The following CSAD variants were observed in gnomAD, a reference collection of about 807,000 sequenced individuals.
CSAD encodes P-selectin cytoplasmic tail-associated protein.
CSAD carries 47 observed loss-of-function variants against 61.5 expected under a neutral mutation model. The observed-to-expected ratio is 0.76, with a 90% CI of 0.60 to 0.97. The LOEUF (loss-of-function observed/expected upper bound fraction) is 0.97. Ranked by LOEUF, CSAD falls within the 50% of genes least tolerant of loss-of-function variation. CSAD has a pLI of 0.00. For missense variants in CSAD, 611 were observed against 643.6 expected (o/e 0.95, Z 0.55); for synonymous variants, 245 against 252.7 (o/e 0.97, Z 0.29).
intron 1 of CSAD, 124 bp downstream of exon 1, chr12:53,180,608 G>T (rs1433811112): frequency 1.6e-6 from 2 of 1,284,244 alleles, no homozygotes; most frequent in Admixed American, 4.6e-5. Flanking sequence ...CACCCGCTCT[G>T]AGGCTGCCCC....
intron 1 of CSAD, chr12:53,180,475 G>T (rs1246995036): frequency 5.8e-6 from 7 of 1,213,276 alleles, no homozygotes; most frequent in Non-Finnish European, 6.2e-6. Context: ...CCTCAGTCTC[G>T]ATGGCGGCCG....
intron 14 of CSAD, 49 bp from the exon 15 acceptor site, chr12:53,159,987 C>T: frequency 6.2e-7 from 1 of 1,601,914 alleles, no homozygotes. Context: ...AAGCAGAGAT[C>T]CAGACAGAAG....
chr12:53,180,842 G>A lies in CSAD; in HGVS notation c.-201C>T. The A allele has an allele frequency of 1.6e-6, 2 of 1,270,340 alleles. No homozygotes were observed. The highest frequency in any genetic ancestry group is 2.0e-6 in the Non-Finnish European group (2 of 981,414). 78.7% of individuals were successfully genotyped at this position (1,270,340 alleles called of 1,614,324 possible). A position where few individuals can be genotyped will look rare whatever the true frequency, so the allele number is the denominator to read the frequency against. On this transcript the variant is annotated 5_prime_UTR_variant, in exon 1 of 17. Transcript: ENST00000444623. ...GCGGGAGGCCGCGCCTGGCAGGTAG[G>A]AGCAAGCCCCAAAGACCGCAGCGTC...
chr12:53,170,839 G>A, intron 8 of CSAD: 1 of 382,524 alleles, frequency 2.6e-6, no homozygotes. Flanking sequence ...TCGTGCCTCA[G>A]CCTCCTAAGC....
In CSAD at chr12:53,158,678, G is replaced by C; in HGVS notation, c.1315C>G (p.Pro439Ala). ...TTCACCATGCGCTCCTTGAGCACGG[G>C]GGCCACCTGTGGAAGGGTGGAGAGA... ...DYHERLSKVA[P>A]VLKERMVKEG... is the part of the protein sequence containing the mutation. Residue 439 changes from proline (P) to alanine (A), a missense_variant, in exon 17 of 17, where the codon CCC (proline) becomes GCC (alanine). Pro to Ala is a conservative substitution (Grantham distance 27). Transcript: ENST00000444623. The C allele has an allele frequency of 6.2e-7, 1 of 1,613,950 alleles. No individual in the cohort carries two copies. The highest frequency in any genetic ancestry group is 8.5e-7 in the Non-Finnish European group (1 of 1,179,956).
chr12:53,178,204 G>A (rs1350685185), intron 2 of CSAD: 1 of 317,684 alleles, frequency 3.1e-6, no homozygotes, highest in Non-Finnish European at 6.3e-6. Context: ...CAGGCATGGT[G>A]GCTCAATCCT....
chr12:53,169,155 G>A (rs1179703731), intron 10 of CSAD, among the ~76,000 whole-genome samples: 2 of 151,802 alleles, frequency 1.3e-5, no homozygotes, highest in Admixed American at 1.3e-4. Context: ...ACTCCGGCCT[G>A]GGTGACACAA....
intron 1 of CSAD, chr12:53,180,477 T>A: frequency 8.4e-7 from 1 of 1,184,392 alleles, no homozygotes; most frequent in Non-Finnish European, 1.1e-6. Flanking sequence ...TCAGTCTCGA[T>A]GGCGGCCGGG....
At chr12:53,177,099 A>G (rs1314245144) in intron 2 of CSAD, among the ~76,000 whole-genome samples, 3 of 152,100 alleles carry the variant, frequency 2.0e-5, no homozygotes, top group South Asian at 4.1e-4. Context: ...TTATATTCTT[A>G]TATTTTATTT....
chr12:53,163,562 T>A (rs1453588280), intron 10 of CSAD, among the ~76,000 whole-genome samples: 1 of 152,026 alleles, frequency 6.6e-6, no homozygotes, highest in Non-Finnish European at 1.5e-5. Flanking sequence ...AGAAAACAAT[T>A]TCATTTACAA....
At chr12:53,170,722 G>GTTTT in intron 8 of CSAD, 6 of 448,154 alleles carry the variant, frequency 1.3e-5, no homozygotes, top group Admixed American at 3.7e-5. Context: ...GCATTTGTTT[G>GTTTT]TTTTTTTTTT....
At chr12:53,170,578 T>A in intron 8 of CSAD, 76 bp from the exon 9 acceptor site, 1 of 1,107,156 alleles carries the variant, frequency 9.0e-7, no homozygotes, top group Non-Finnish European at 1.4e-6. Context: ...AAGTGTGAGC[T>A]CCAACAAATG....
chr12:53,160,166 C>T lies in CSAD; in HGVS notation c.1120G>A (p.Asp374Asn), dbSNP rs1939110656. 1.9e-6 allele frequency: 3 copies of T among 1,614,034 alleles called. No homozygotes were observed. The highest frequency in any genetic ancestry group is 1.3e-5 in the African/African-American group (1 of 75,068). ...KLWLMWKAQG[D>N]QGLERRIDQA... Reference sequence around the variant, plus strand: ...TCGATGCGCCGCTCCAGCCCTTGATCGCCCTGTGCCTTCCACATGAGCCAC... The same window carrying T: ...TCGATGCGCCGCTCCAGCCCTTGATTGCCCTGTGCCTTCCACATGAGCCAC... Residue 374 changes from aspartate (D) to asparagine (N), a missense_variant, in exon 14 of 17, where the codon GAT becomes AAT. Asp to Asn is a conservative substitution (Grantham distance 23). Coordinates refer to ENST00000444623, the MANE Select transcript of CSAD (RefSeq NM_001244705.2).
upstream of CSAD, chr12:53,180,938 G>A (rs1048369131): frequency 7.1e-6 from 7 of 988,526 alleles, no homozygotes; most frequent in Admixed American, 5.8e-5. Flanking sequence ...GGAGGGGAGG[G>A]GAGGAGGGGC....
Position 53,160,114 on chromosome 12 carries a change from G to A in CSAD, c.1166+6C>T, listed in dbSNP as rs750571897. The stretch of plus-strand genomic sequence containing the variant: ...CAGGGACGACCCCCCACCTCCTCCC[G>A]CCTACCGGGCAAGGACAAAGGCCTG... On this transcript the variant is annotated splice_donor_region_variant and intron_variant, in intron 14 of 16. Transcript: ENST00000444623. 3.7e-6 allele frequency: 6 copies of A among 1,612,412 alleles called. No homozygotes were observed. The highest frequency in any genetic ancestry group is 3.3e-5 in the Admixed American group (2 of 59,986).
At chr12:53,160,998 A>G (rs1251896009) in intron 12 of CSAD, 129 bp downstream of exon 12, 20 of 1,159,326 alleles carry the variant, frequency 1.7e-5, no homozygotes, top group East Asian at 5.1e-5. Context: ...CCCAGCTCCA[A>G]TCAATCCTCT....
At position 53,170,340 on chromosome 12, in the gene CSAD, G is replaced by A. The variant is rs1246925589; in HGVS notation, c.647+83C>T. ...GGGAGAGAGGTCCACCAGCGGTAAG[G>A]GTCTGATGCCAGAGCTTTCTGGCGG... On this transcript the variant is annotated intron_variant, in intron 9 of 16. Transcript: ENST00000444623. 2.6e-5 allele frequency: 33 copies of A among 1,273,216 alleles called. No individual in the cohort carries two copies. The South Asian group carries it at 3.7e-4, about 14-fold the overall frequency. The allele number at this position is 1,273,216 out of a possible 1,614,324, so 78.9% of individuals were successfully genotyped here.
chr12:53,173,708 TA>T lies in CSAD; in HGVS notation c.-7+19del. On this transcript the variant is annotated intron_variant, in intron 3 of 16. Coordinates refer to ENST00000444623, the MANE Select transcript of CSAD (RefSeq NM_001244705.2). Reference sequence around the variant, plus strand: ...GTGGACTCTAGTGGCCATTTCCACCTAAGGCAGAGACAAGCTTACCTCTCTG... The same window carrying T: ...GTGGACTCTAGTGGCCATTTCCACCTAGGCAGAGACAAGCTTACCTCTCTG... 1.9e-6 allele frequency: 3 copies of T among 1,580,102 alleles called. No homozygotes were observed. The highest frequency in any genetic ancestry group is 2.6e-6 in the Non-Finnish European group (3 of 1,149,740).
intron 2 of CSAD, among the ~76,000 whole-genome samples, chr12:53,175,115 CAAGA>C (rs1362678204): frequency 6.6e-6 from 1 of 152,084 alleles, no homozygotes; most frequent in African/African-American, 2.4e-5. Flanking sequence ...AACAGGCTGG[CAAGA>C]GAGACCTGCA....
Sources: allele counts gnomAD v4.1 joint callset (sites outside exome capture counted in the v4.1 genomes callset), GRCh38; gene constraint gnomAD v4.1.1; transcripts MANE v1.5; gene names NCBI Gene and HGNC (gene_info 2026-07-23, HGNC 2026-07-21).